RBBP8NL: variants seen among roughly 807,000 people sequenced by gnomAD.
The protein encoded by RBBP8NL is RBBP8 N-terminal like.
Under a neutral mutation model 62.2 loss-of-function variants are expected in RBBP8NL, and 59 were observed. The ratio of observed to expected loss-of-function variants is 0.95; its 90% CI spans 0.77 to 1.18. The LOEUF is 1.18. Ranked by LOEUF, RBBP8NL falls within the 50% of genes most tolerant of loss-of-function variation. The pLI is 0.00. For missense variants in RBBP8NL, 896 were observed against 899.5 expected (o/e 1.00, Z 0.05); for synonymous variants, 412 against 394.1 (o/e 1.05, Z -0.54).
chr20:62,424,764 C>T (rs993000926), intron 1 of RBBP8NL, among the ~76,000 whole-genome samples: 1 of 152,042 alleles, frequency 6.6e-6, no homozygotes, highest in Non-Finnish European at 1.5e-5. Flanking sequence ...CTGCACCTGC[C>T]CTCCTAGGGT....
intron 1 of RBBP8NL, among the ~76,000 whole-genome samples, chr20:62,421,448 ATG>A (rs1244735746): frequency 1.1e-4 from 11 of 97,900 alleles, no homozygotes; most frequent in Admixed American, 2.2e-4. Flanking sequence ...GCCAGTGTGC[ATG>A]TGTGTGTGCC....
chr20:62,413,744 G>A, intron 10 of RBBP8NL, 77 bp downstream of exon 10: 2 of 1,495,202 alleles, frequency 1.3e-6, no homozygotes, highest in Non-Finnish European at 1.8e-6. Flanking sequence ...AGCAGCCCGA[G>A]GTCTGGGGGG....
chr20:62,421,702 G>C (rs7266853), intron 1 of RBBP8NL, among the ~76,000 whole-genome samples: 2,306 of 145,908 alleles, frequency 0.016, 68 homozygotes, highest in African/African-American at 0.055. Context: ...CATGTGTGTG[G>C]CATGTGTGCA....
intron 5 of RBBP8NL, among the ~76,000 whole-genome samples, chr20:62,416,544 C>T (rs1988570819): frequency 6.6e-6 from 1 of 152,188 alleles, no homozygotes; most frequent in South Asian, 2.1e-4. Flanking sequence ...CGGGATGCCC[C>T]CAGCCCAGGG....
chr20:62,418,400 G>C, intron 3 of RBBP8NL, 23 bp downstream of exon 3: 1 of 1,549,944 alleles, frequency 6.5e-7, no homozygotes, highest in Non-Finnish European at 8.7e-7. Flanking sequence ...CTGTGAGGAG[G>C]GGCCCTGCTT....
chr20:62,420,107 A>G (rs1177729874), intron 1 of RBBP8NL, among the ~76,000 whole-genome samples: 2 of 152,108 alleles, frequency 1.3e-5, no homozygotes, highest in African/African-American at 2.4e-5. Flanking sequence ...TGGCACCTCA[A>G]TGGAGGGACA....
At chr20:62,413,146 G>C (rs112564115) in intron 11 of RBBP8NL, among the ~76,000 whole-genome samples, 1 of 152,274 alleles carries the variant, frequency 6.6e-6, no homozygotes, top group African/African-American at 2.4e-5. Context: ...CTCACAGCCT[G>C]CTTGCCAGCC....
chr20:62,411,056 G>T, intron 13 of RBBP8NL, 60 bp from the exon 14 acceptor site: 3 of 1,157,948 alleles, frequency 2.6e-6, no homozygotes, highest in Middle Eastern at 2.0e-4. Flanking sequence ...GGCAACACTG[G>T]CTCTCACCTA....
chr20:62,413,416 G>C lies in RBBP8NL; in HGVS notation c.1660C>G (p.Leu554Val), dbSNP rs376212791. 8.2e-6 allele frequency: 12 copies of C among 1,460,028 alleles called. No individual in the cohort carries two copies. Among genetic ancestry groups the C allele is most frequent in the Non-Finnish European group, 1.1e-5 (12 of 1,109,288 alleles). The allele number at this position is 1,460,028 out of a possible 1,614,324, so 90.4% of individuals were successfully genotyped here. A position where few individuals can be genotyped will look rare whatever the true frequency, so the allele number is the denominator to read the frequency against. Residue 554 changes from leucine (L) to valine (V), a missense_variant, in exon 11 of 14, where the codon CTG becomes GTG. Physicochemically the swap from Leu to Val is conservative, Grantham distance 32. Coordinates refer to ENST00000252998, the MANE Select transcript of RBBP8NL (RefSeq NM_080833.3). Reference sequence around the variant, plus strand: ...CTGACTGTACCTGGGTGGCCGTCCAGGTCAGGCGGCTGTGGGTGGGGAGGC... The same window carrying C: ...CTGACTGTACCTGGGTGGCCGTCCACGTCAGGCGGCTGTGGGTGGGGAGGC... ...QPPPHPQPPDLDGHPEPSKAE... is the reference protein window; with the variant it reads ...QPPPHPQPPDVDGHPEPSKAE...
chr20:62,425,563 GT>G (rs929260866), intron 1 of RBBP8NL, among the ~76,000 whole-genome samples: 2 of 152,236 alleles, frequency 1.3e-5, no homozygotes, highest in African/African-American at 4.8e-5. Context: ...AGTGATGCCT[GT>G]TCTTACCCTG....
In RBBP8NL at chr20:62,410,854, G is replaced by A. The variant is rs77541050; in HGVS notation, c.*24C>T. ...GCAGGTGGAGGGCTGCCCCGGGCTC[G>A]CTGTGGACCCTGGTGCAGGCTGGCT... On this transcript the variant is annotated 3_prime_UTR_variant, in exon 14 of 14. Transcript: ENST00000252998. The A allele has an allele frequency of 0.054, 83,449 of 1,534,122 alleles. 3,421 individuals are homozygous for A. Among genetic ancestry groups the A allele is most frequent in the African/African-American group, 0.19 (14,306 of 73,400 alleles).
intron 13 of RBBP8NL, among the ~76,000 whole-genome samples, chr20:62,412,320 T>A (rs776278007): frequency 7.2e-5 from 11 of 152,116 alleles, no homozygotes; most frequent in Non-Finnish European, 8.8e-5. Context: ...CCTGGCTCCT[T>A]CTCTCACCGA....
At chr20:62,421,756 C>T (rs1167741285) in intron 1 of RBBP8NL, among the ~76,000 whole-genome samples, 2 of 135,090 alleles carry the variant, frequency 1.5e-5, no homozygotes, top group South Asian at 2.4e-4. Context: ...TGTGCATACC[C>T]GAGCTAGTGT....
intron 1 of RBBP8NL, among the ~76,000 whole-genome samples, chr20:62,426,447 T>C (rs1988810922): frequency 6.6e-6 from 1 of 152,252 alleles, no homozygotes; most frequent in African/African-American, 2.4e-5. Context: ...GGCACATGCA[T>C]GTGGCCGGGG....
intron 1 of RBBP8NL, among the ~76,000 whole-genome samples, chr20:62,427,014 A>T (rs1309733903): frequency 2.0e-5 from 3 of 152,130 alleles, no homozygotes; most frequent in African/African-American, 7.2e-5. Context: ...GCGGCAGAGG[A>T]GTCCCCTGCT....
intron 8 of RBBP8NL, 89 bp from the exon 9 acceptor site, chr20:62,415,376 G>A: frequency 1.4e-6 from 2 of 1,452,926 alleles, no homozygotes; most frequent in Non-Finnish European, 1.8e-6. Context: ...GCCCTGGGCT[G>A]CTCCCACTCT....
intron 11 of RBBP8NL, 80 bp downstream of exon 11, chr20:62,413,321 G>T: frequency 8.8e-6 from 12 of 1,362,088 alleles, no homozygotes; most frequent in South Asian, 1.9e-5. Context: ...ACCCACTCCT[G>T]GTGGGCACTG....
At position 62,414,244 on chromosome 20, in the gene RBBP8NL, C is replaced by T; in HGVS notation, c.1107G>A (p.Arg369=). 1 of 1,598,454 alleles carries T rather than the reference C, an allele frequency of 6.3e-7. No individual in the cohort carries two copies. The highest frequency in any genetic ancestry group is 1.1e-5 in the South Asian group (1 of 89,066). Residue 369 remains arginine, a synonymous_variant, in exon 10 of 14, where the codon AGG becomes AGA. Coordinates refer to ENST00000252998, the MANE Select transcript of RBBP8NL (RefSeq NM_080833.3). ...LAQQQLRARA[R]AGSVRPRGQP... is the part of the protein sequence containing the mutation. ...GGCCCCTTGGCCTGACACTGCCTGC[C>T]CTGGCCCTAGCCCGCAGCTGCTGCT...
In RBBP8NL at chr20:62,419,629, A is replaced by ACTCCATGAAGCT; in HGVS notation, c.7_18dup (p.Phe4_Ser7dup). 1.9e-6 allele frequency: 3 copies of ACTCCATGAAGCT among 1,611,948 alleles called. No homozygotes were observed. The highest frequency in any genetic ancestry group is 1.7e-6 in the Non-Finnish European group (2 of 1,179,524). On this transcript the variant is annotated inframe_insertion, in exon 2 of 14. Transcript: ENST00000252998. The stretch of plus-strand genomic sequence containing the variant: ...TGGATCTCCTTCAGCCTGTTCAGCG[A>ACTCCATGAAGCT]CTCCATGAAGCTCTCCATGGCTCCC...
Sources: allele counts gnomAD v4.1 joint callset (sites outside exome capture counted in the v4.1 genomes callset), GRCh38; gene constraint gnomAD v4.1.1; transcripts MANE v1.5; gene names NCBI Gene and HGNC (gene_info 2026-07-23, HGNC 2026-07-21).